Variants in VPS13B observed in about 807,000 individuals in gnomAD.
VPS13B encodes vacuolar protein sorting 13 homolog B.
In VPS13B, 285 loss-of-function variants were observed where a neutral mutation model predicts 426.4. The observed-to-expected ratio is 0.67, with a 90% CI of 0.61 to 0.74. The LOEUF is 0.74. Ranked by LOEUF, VPS13B falls within the 30% of genes least tolerant of loss-of-function variation. The pLI, the probability that VPS13B is intolerant of heterozygous loss-of-function variation, is 0.00. For synonymous variants in VPS13B, 1,676 were observed against 1,676.4 expected (o/e 1.00, Z 0.01); for missense variants, 4,537 against 4,782.6 (o/e 0.95, Z 1.51).
chr8:99,865,768 C>A (rs1817067932), intron 58 of VPS13B, among the ~76,000 whole-genome samples: 1 of 152,174 alleles, frequency 6.6e-6, no homozygotes, highest in Admixed American at 6.5e-5. Context: ...GCGTGGTATC[C>A]CATTTTATGC....
In VPS13B at chr8:99,038,410, T is replaced by A. The variant is rs1349257388; in HGVS notation, c.148-13T>A. The A allele has an allele frequency of 3.8e-6, 6 of 1,591,428 alleles. No individual in the cohort carries two copies. The highest frequency in any genetic ancestry group is 2.7e-5 in the African/African-American group (2 of 74,722). ...GCACTTACTAATTTTTATGTAATGT[T>A]TTGTGTTTTAAGGAACTGAAATTAC... On this transcript the variant is annotated splice_polypyrimidine_tract_variant and intron_variant, in intron 2 of 61. Transcript: ENST00000357162.
At chr8:99,135,371 A>G (rs1198422443) in intron 10 of VPS13B, among the ~76,000 whole-genome samples, 1 of 151,948 alleles carries the variant, frequency 6.6e-6, no homozygotes, top group Non-Finnish European at 1.5e-5. Flanking sequence ...TTATTCATGA[A>G]TCTTTCTTCT....
intron 20 of VPS13B, among the ~76,000 whole-genome samples, chr8:99,390,616 A>G (rs1373423981): frequency 6.6e-6 from 1 of 152,162 alleles, no homozygotes; most frequent in Non-Finnish European, 1.5e-5. Flanking sequence ...GTGGTACTGA[A>G]GATAACCTTA....
At chr8:99,154,665 C>A (rs1811260461) in intron 14 of VPS13B, among the ~76,000 whole-genome samples, 1 of 152,176 alleles carries the variant, frequency 6.6e-6, no homozygotes, top group Admixed American at 6.5e-5. Context: ...TCAGGCCCTG[C>A]CACATTAGCA....
intron 28 of VPS13B, among the ~76,000 whole-genome samples, chr8:99,509,098 C>G (rs528309172): frequency 2.6e-5 from 4 of 151,910 alleles, no homozygotes; most frequent in African/African-American, 9.7e-5. Context: ...CAGTAGTAAC[C>G]CTCTCCCCAG....
Position 99,818,475 on chromosome 8 carries a change from A to T in VPS13B, c.8386A>T (p.Ile2796Phe). The change falls in exon 46 of 62, where the codon ATT becomes TTT. Residue 2796 changes from isoleucine to phenylalanine, a missense_variant. Physicochemically the swap from Ile to Phe is conservative, Grantham distance 21. Coordinates refer to ENST00000357162, the MANE Select transcript of VPS13B (RefSeq NM_152564.5). ...IQVPSSNSSIIYVWCTVLTLE... is the reference protein window; with the variant it reads ...IQVPSSNSSIFYVWCTVLTLE... ...GGTGCCATCTTCAAACAGTTCCATT[A>T]TTTATGTCTGGTGCACAGTTTTGAC... 1 of 1,614,018 alleles carries T rather than the reference A, an allele frequency of 6.2e-7. No homozygotes were observed. The highest frequency in any genetic ancestry group is 8.5e-7 in the Non-Finnish European group (1 of 1,179,944).
chr8:99,411,983 G>A (rs1815693871), intron 21 of VPS13B, among the ~76,000 whole-genome samples: 1 of 152,194 alleles, frequency 6.6e-6, no homozygotes, highest in African/African-American at 2.4e-5. Context: ...CAAGTAGTGT[G>A]ATGCCTCCAG....
intron 43 of VPS13B, among the ~76,000 whole-genome samples, chr8:99,792,982 G>T (rs1210902660): frequency 6.6e-6 from 1 of 151,076 alleles, no homozygotes; most frequent in Admixed American, 6.6e-5. Context: ...ATGGTGGGTG[G>T]ATCTCTTGAG....
chr8:99,696,804 C>T, intron 35 of VPS13B: 3 of 1,402,416 alleles, frequency 2.1e-6, no homozygotes, highest in Middle Eastern at 2.4e-4. Context: ...AATGAGCTGA[C>T]CCTGGACAAC....
intron 3 of VPS13B, among the ~76,000 whole-genome samples, chr8:99,066,437 C>T (rs1259870579): frequency 6.6e-6 from 1 of 152,176 alleles, no homozygotes; most frequent in Non-Finnish European, 1.5e-5. Flanking sequence ...GGTGGGAAAA[C>T]TGGCTAGCCA....
chr8:99,315,461 G>T (rs1809587491), intron 19 of VPS13B, among the ~76,000 whole-genome samples: 1 of 150,286 alleles, frequency 6.7e-6, no homozygotes. Flanking sequence ...TTATTCAGCA[G>T]ATTTTTTATT....
intron 58 of VPS13B, among the ~76,000 whole-genome samples, chr8:99,863,976 C>T (rs928124941): frequency 6.6e-6 from 1 of 152,182 alleles, no homozygotes; most frequent in Non-Finnish European, 1.5e-5. Flanking sequence ...GCAGAGTTCA[C>T]AGTGGGCATC....
chr8:99,613,742 A>G (rs1411598043), intron 33 of VPS13B: 2 of 152,230 alleles, frequency 1.3e-5, no homozygotes, highest in East Asian at 3.8e-4. Flanking sequence ...CATGCTATCA[A>G]CAATATATAT....
chr8:99,089,396 C>T lies in VPS13B; in HGVS notation c.292-6916C>T, dbSNP rs761589417. Reference sequence around the variant, plus strand: ...TTTTGCCAAGGTTAAGGACAAGCCTCAGGACGTCCTGATGACGTGTGCCCA... The same window carrying T: ...TTTTGCCAAGGTTAAGGACAAGCCTTAGGACGTCCTGATGACGTGTGCCCA... On this transcript the variant is annotated intron_variant, in intron 3 of 61. Coordinates refer to ENST00000357162, the MANE Select transcript of VPS13B (RefSeq NM_152564.5). Among the ~76,000 whole-genome samples, 4 of 152,268 alleles carry T rather than the reference C, an allele frequency of 2.6e-5. No homozygotes were observed. The East Asian group carries it at 7.7e-4, about 29-fold the overall frequency.
chr8:99,078,839 A>G (rs1845283506), intron 3 of VPS13B, among the ~76,000 whole-genome samples: 1 of 151,626 alleles, frequency 6.6e-6, no homozygotes, highest in Admixed American at 6.6e-5. Flanking sequence ...TGCATAGGTG[A>G]GTGCTGGTGA....
intron 19 of VPS13B, among the ~76,000 whole-genome samples, chr8:99,278,853 T>C (rs1819025555): frequency 1.3e-5 from 2 of 152,258 alleles, no homozygotes; most frequent in Non-Finnish European, 2.9e-5. Context: ...GATTGCATTC[T>C]GCACTTGACT....
intron 33 of VPS13B, among the ~76,000 whole-genome samples, chr8:99,587,511 C>T (rs1826367493): frequency 6.6e-6 from 1 of 151,762 alleles, no homozygotes; most frequent in African/African-American, 2.4e-5. Context: ...AAATGATCTC[C>T]ATTCCAACTG....
At chr8:99,156,864 A>T in intron 15 of VPS13B, 121 bp downstream of exon 15, 1 of 840,224 alleles carries the variant, frequency 1.2e-6, no homozygotes, top group Non-Finnish European at 1.8e-6. Context: ...TAAGATTTAA[A>T]TAAGAAATAA....
chr8:99,727,354 A>G (rs1040673884), intron 39 of VPS13B, among the ~76,000 whole-genome samples: 3 of 152,248 alleles, frequency 2.0e-5, no homozygotes, highest in Non-Finnish European at 4.4e-5. Context: ...TTAAGTCAAT[A>G]AAAAGACTGC....
Sources: gnomAD v4.1 joint callset for allele counts (sites outside exome capture counted in the v4.1 genomes callset) on GRCh38, gnomAD v4.1.1 for gene constraint, MANE v1.5 for transcripts, NCBI Gene and HGNC (gene_info 2026-07-23, HGNC 2026-07-21) for gene names.